Variants in CPE observed in about 807,000 individuals in gnomAD.
The protein encoded by CPE is carbocypeptidase E.
In CPE, 17 loss-of-function variants were observed where a neutral mutation model predicts 53.5. The ratio of observed to expected loss-of-function variants is 0.32; its 90% CI spans 0.22 to 0.48. The LOEUF (loss-of-function observed/expected upper bound fraction) is 0.48, where lower values mean the gene tolerates loss of function less well. Among genes scored for constraint, CPE ranks in the 20% least tolerant of loss-of-function variants. The pLI is 0.99. For synonymous variants in CPE, 226 were observed against 228.8 expected, an observed-to-expected ratio of 0.99 and a Z score of 0.11; for missense variants, 524 against 614.7, an observed-to-expected ratio of 0.85 and a Z score of 1.56.
At chr4:165,387,415 T>G (rs895102465) in intron 1 of CPE, among the ~76,000 whole-genome samples, 2 of 152,226 alleles carry the variant, frequency 1.3e-5, no homozygotes, top group African/African-American at 4.8e-5. Context: ...TCCCCTCATT[T>G]GAAGACATTT....
intron 6 of CPE, among the ~76,000 whole-genome samples, chr4:165,489,782 CA>C (rs1488388911): frequency 6.6e-6 from 1 of 152,094 alleles, no homozygotes; most frequent in African/African-American, 2.4e-5. Flanking sequence ...GGCATGCATC[CA>C]ATTCATCTGA....
Position 165,386,603 on chromosome 4 carries a change from T to C in CPE, c.307+7075T>C, listed in dbSNP as rs376877535. Among the ~76,000 whole-genome samples, 13 of 152,338 alleles carry C rather than the reference T, an allele frequency of 8.5e-5. 1 individual carries two copies. Among genetic ancestry groups the C allele is most frequent in the Admixed American group, 3.3e-4 (5 of 15,308 alleles). On this transcript the variant is annotated intron_variant, in intron 1 of 8. Coordinates refer to ENST00000402744, the MANE Select transcript of CPE (RefSeq NM_001873.4). ...AATGGAGAAATATACCAATGTGAAT[T>C]ACATGTCTTTTCAAGTTTCAGTGCT...
intron 1 of CPE, among the ~76,000 whole-genome samples, chr4:165,401,936 A>G (rs1730875159): frequency 6.6e-6 from 1 of 152,316 alleles, no homozygotes; most frequent in South Asian, 2.1e-4. Context: ...AGGCTGATAG[A>G]GTAATACTGG....
At chr4:165,410,120 G>A (rs1731013284) in intron 1 of CPE, among the ~76,000 whole-genome samples, 1 of 151,676 alleles carries the variant, frequency 6.6e-6, no homozygotes, top group East Asian at 1.9e-4. Flanking sequence ...GTGGTGGTGG[G>A]CGCCTGTAGT....
rs1419852974 is a variant in CPE, at chr4:165,404,258, C to T, written c.307+24730C>T. The T allele has an allele frequency of 1.3e-5, 10 of 766,828 alleles. 1 individual carries two copies. The highest frequency in any genetic ancestry group is 1.2e-4 in the African/African-American group (7 of 58,788). The allele number at this position is 766,828 out of a possible 1,614,324, so 47.5% of individuals were successfully genotyped here. On this transcript the variant is annotated intron_variant, in intron 1 of 8. Coordinates refer to ENST00000402744, the MANE Select transcript of CPE (RefSeq NM_001873.4). ...GAGCCCGAAGACGGCTCCAATGTCT[C>T]CCTCTGCAGGTGTGGCCAAGATCCC...
chr4:165,404,790 C>T (rs1730926443), intron 1 of CPE: 1 of 774,422 alleles, frequency 1.3e-6, no homozygotes, highest in East Asian at 2.4e-5. Flanking sequence ...ACAGTTGAAG[C>T]ACTGGTGTCT....
At chr4:165,412,905 C>T (rs1045194776) in intron 1 of CPE, among the ~76,000 whole-genome samples, 1 of 152,176 alleles carries the variant, frequency 6.6e-6, no homozygotes, top group Non-Finnish European at 1.5e-5. Flanking sequence ...GTGATTTTCT[C>T]GAATCCAAAA....
intron 1 of CPE, chr4:165,405,083 CT>C (rs1173341333): frequency 1.4e-6 from 1 of 727,822 alleles, no homozygotes. Context: ...AGTCAAGTTG[CT>C]GAAGATGGAA....
At chr4:165,399,194 G>A (rs1421102043) in intron 1 of CPE, among the ~76,000 whole-genome samples, 1 of 152,036 alleles carries the variant, frequency 6.6e-6, no homozygotes, top group Non-Finnish European at 1.5e-5. Flanking sequence ...GTTTACTGAG[G>A]ATGTTTAATA....
chr4:165,414,093 T>C (rs923771047), intron 1 of CPE, among the ~76,000 whole-genome samples: 2 of 152,190 alleles, frequency 1.3e-5, no homozygotes, highest in Non-Finnish European at 2.9e-5. Context: ...TTTCCTGCAA[T>C]AATAAACCAA....
chr4:165,458,991 G>A (rs1731949298), intron 1 of CPE, among the ~76,000 whole-genome samples: 1 of 152,138 alleles, frequency 6.6e-6, no homozygotes, highest in South Asian at 2.1e-4. Flanking sequence ...TGGCTCTCTG[G>A]TCACTTTAAG....
chr4:165,481,179 C>A (rs1172522703), intron 3 of CPE, among the ~76,000 whole-genome samples: 2 of 152,046 alleles, frequency 1.3e-5, no homozygotes, highest in Non-Finnish European at 2.9e-5. Context: ...ACAGCGTGAG[C>A]CTTAGGGTTT....
chr4:165,412,531 G>A (rs1015419244), intron 1 of CPE, among the ~76,000 whole-genome samples: 1 of 152,140 alleles, frequency 6.6e-6, no homozygotes, highest in Admixed American at 6.5e-5. Flanking sequence ...AGGAAACTGA[G>A]GCACAGAGGA....
chr4:165,461,184 A>AAAAG (rs796620232), intron 1 of CPE, among the ~76,000 whole-genome samples: 3 of 106,756 alleles, frequency 2.8e-5, no homozygotes, highest in South Asian at 2.6e-4. Context: ...AAAAAAAAAA[A>AAAAG]AAAGAAAGAA....
chr4:165,409,956 A>T (rs1731010719), intron 1 of CPE, among the ~76,000 whole-genome samples: 1 of 152,102 alleles, frequency 6.6e-6, no homozygotes, highest in African/African-American at 2.4e-5. Context: ...AAACAAACAA[A>T]AAAAACAGAG....
intron 1 of CPE, among the ~76,000 whole-genome samples, chr4:165,457,489 G>A (rs532219829): frequency 6.6e-6 from 1 of 152,144 alleles, no homozygotes; most frequent in Non-Finnish European, 1.5e-5. Flanking sequence ...AATACCTTCT[G>A]TTCTTTTGCT....
intron 1 of CPE, chr4:165,405,407 C>T: frequency 1.1e-6 from 1 of 952,252 alleles, no homozygotes; most frequent in Non-Finnish European, 1.7e-6. Context: ...AGAGAGATAA[C>T]CAGCATCGCT....
chr4:165,426,111 A>C (rs1221512866), intron 1 of CPE, among the ~76,000 whole-genome samples: 1 of 152,216 alleles, frequency 6.6e-6, no homozygotes, highest in Non-Finnish European at 1.5e-5. Flanking sequence ...CCCACACTGA[A>C]AAATATTCTC....
intron 3 of CPE, among the ~76,000 whole-genome samples, chr4:165,469,530 G>A (rs1302068321): frequency 6.6e-6 from 1 of 152,090 alleles, no homozygotes; most frequent in East Asian, 1.9e-4. Flanking sequence ...ATGAGTTGCT[G>A]CTCCAACTGT....
Sources: allele counts gnomAD v4.1 joint callset (sites outside exome capture counted in the v4.1 genomes callset), GRCh38; gene constraint gnomAD v4.1.1; transcripts MANE v1.5; gene names NCBI Gene and HGNC (gene_info 2026-07-23, HGNC 2026-07-21).